Variants in MTOR observed in about 807,000 individuals in gnomAD.
MTOR encodes serine/threonine-protein kinase mTOR.
Under a neutral mutation model 319.8 loss-of-function variants are expected in MTOR, and 70 were observed. The observed-to-expected ratio is 0.22, with a 90% CI of 0.18 to 0.27. The LOEUF (loss-of-function observed/expected upper bound fraction) is 0.27. Ranked by LOEUF, MTOR falls within the 10% of genes least tolerant of loss-of-function variation. MTOR has a pLI of 1.00. For missense variants in MTOR, 1,890 were observed against 3,274.4 expected (o/e 0.58, Z 10.32); for synonymous variants, 1,183 against 1,211.4 (o/e 0.98, Z 0.49).
chr1:11,238,023 C>T lies in MTOR; in HGVS notation c.2028G>A (p.Leu676=). The T allele has an allele frequency of 1.2e-6, 2 of 1,614,196 alleles. No individual in the cohort carries two copies. ...CATCAAAGCGCTCGTCCAGGGACGC[C>T]AAGACACAGTAGCGAATGTCAGGGT... The part of the protein sequence containing the change: ...DPDPDIRYCV[L]ASLDERFDAH... The change falls in exon 13 of 58, where the codon TTG becomes TTA. Residue 676 remains leucine, a synonymous_variant. Coordinates refer to ENST00000361445, the MANE Select transcript of MTOR (RefSeq NM_004958.4).
chr1:11,159,047 C>T (rs1644396949), intron 29 of MTOR, among the ~76,000 whole-genome samples: 1 of 152,100 alleles, frequency 6.6e-6, no homozygotes, highest in Admixed American at 6.6e-5. Flanking sequence ...ACCTTTGGAA[C>T]CTGAAGATGG....
At chr1:11,202,311 A>C (rs1645997773) in intron 26 of MTOR, among the ~76,000 whole-genome samples, 1 of 147,836 alleles carries the variant, frequency 6.8e-6, no homozygotes. Context: ...GTCCCAGCTC[A>C]TTGGGAGGCT....
chr1:11,214,309 C>A (rs956714997), intron 20 of MTOR, among the ~76,000 whole-genome samples: 6 of 152,250 alleles, frequency 3.9e-5, no homozygotes, highest in African/African-American at 1.4e-4. Flanking sequence ...CCTTTCTACA[C>A]CCACATGGTT....
At chr1:11,230,744 A>G (rs1270885562) in intron 18 of MTOR, among the ~76,000 whole-genome samples, 181 bp downstream of exon 18, 1 of 152,226 alleles carries the variant, frequency 6.6e-6, no homozygotes, top group African/African-American at 2.4e-5. Flanking sequence ...TCTGGCCACA[A>G]TGGGAAGCAG....
intron 28 of MTOR, among the ~76,000 whole-genome samples, chr1:11,184,705 G>C (rs1306589841): frequency 6.6e-6 from 1 of 151,930 alleles, no homozygotes; most frequent in African/African-American, 2.4e-5. Flanking sequence ...AGCACTCCAG[G>C]GTGGGTAACA....
chr1:11,143,055 G>A (rs543230123), intron 34 of MTOR, among the ~76,000 whole-genome samples: 11 of 152,102 alleles, frequency 7.2e-5, no homozygotes, highest in Non-Finnish European at 1.6e-4. Context: ...TCAGGCCTTG[G>A]ACCACATTTT....
chr1:11,144,628 G>A lies in MTOR; in HGVS notation c.4872+20C>T, dbSNP rs369462108. 2.8e-5 allele frequency: 45 copies of A among 1,611,902 alleles called. No homozygotes were observed. The highest frequency in any genetic ancestry group is 5.3e-5 in the African/African-American group (4 of 74,804). ...GGGGTAGGGGTAGGTGGGTGAACTG[G>A]GGCTTTCTACCAAGCTCACCTGCAG... On this transcript the variant is annotated intron_variant, in intron 34 of 57. Transcript: ENST00000361445.
At chr1:11,198,931 C>T (rs375844662) in intron 28 of MTOR, among the ~76,000 whole-genome samples, 2 of 152,306 alleles carry the variant, frequency 1.3e-5, no homozygotes, top group East Asian at 1.9e-4. Context: ...CTCTAGACAG[C>T]GCTATCTAAC....
intron 29 of MTOR, among the ~76,000 whole-genome samples, chr1:11,161,234 C>A (rs970173108): frequency 6.6e-6 from 1 of 152,142 alleles, no homozygotes; most frequent in African/African-American, 2.4e-5. Context: ...ACGAGGCTGG[C>A]GGAGGGGTGC....
intron 8 of MTOR, 152 bp from the exon 9 acceptor site, chr1:11,243,452 G>C (rs1648360058): frequency 1.4e-6 from 1 of 702,846 alleles, no homozygotes; most frequent in South Asian, 2.1e-5. Context: ...AACACTTTGG[G>C]AGGCCAAGGA....
Position 11,199,399 on chromosome 1 carries a change from G to A in MTOR, c.4112C>T (p.Pro1371Leu). 1 of 1,614,148 alleles carries A rather than the reference G, an allele frequency of 6.2e-7. No individual in the cohort carries two copies. The highest frequency in any genetic ancestry group is 8.5e-7 in the Non-Finnish European group (1 of 1,180,026). The change falls in exon 28 of 58, where the codon CCC becomes CTC. Residue 1371 changes from proline (P) to leucine (L), a missense_variant. This residue lies in a region of MTOR where 45 missense variants were observed against 107.2 expected (regional missense o/e 0.42). Transcript: ENST00000361445. This position sits in a 1 kb window ranked among gnomAD's most constrained non-coding sequence, Gnocchi z 4.5. ...GCCATTGTCATCTCTCAGTGGCAGG[G>A]GGCCCTGGAGAAGAGCAAAACCTCA... ...AEFMEHSDKG[P>L]LPLRDDNGIV...
intron 36 of MTOR, 63 bp from the exon 37 acceptor site, chr1:11,134,529 C>A: frequency 7.1e-7 from 1 of 1,414,534 alleles, no homozygotes. Flanking sequence ...AGGAAGGGAG[C>A]TACCGTTCAT....
Position 11,127,206 on chromosome 1 carries a change from A to G in MTOR, c.6217-62T>C. 3 of 1,601,954 alleles carry G rather than the reference A, an allele frequency of 1.9e-6. No homozygotes were observed. The highest frequency in any genetic ancestry group is 2.6e-6 in the Non-Finnish European group (3 of 1,174,832). ...AGTCTCAACCAACCCAGGAGGCAAA[A>G]TCCCCAGGCTGACTGCAGATATTCC... On this transcript the variant is annotated intron_variant, in intron 44 of 57. Transcript: ENST00000361445. The surrounding 1 kb of genome is among the most constrained non-coding windows in gnomAD (Gnocchi z 5.5).
chr1:11,110,604 C>G (rs1641811655), intron 54 of MTOR, among the ~76,000 whole-genome samples: 1 of 152,186 alleles, frequency 6.6e-6, no homozygotes, highest in South Asian at 2.1e-4. Context: ...CCATGTCGGT[C>G]AAGCTGGTCT....
intron 28 of MTOR, among the ~76,000 whole-genome samples, chr1:11,182,745 T>G (rs547533828): frequency 6.6e-6 from 1 of 152,342 alleles, no homozygotes; most frequent in South Asian, 2.1e-4. Context: ...CTTAATTATA[T>G]AAACATTCAA....
At chr1:11,220,613 A>G (rs1277807599) in intron 19 of MTOR, among the ~76,000 whole-genome samples, 1 of 152,212 alleles carries the variant, frequency 6.6e-6, no homozygotes, top group Admixed American at 6.5e-5. Flanking sequence ...ATAATGTTTA[A>G]TAAGATGGAG....
chr1:11,110,034 T>C (rs1021209402), intron 54 of MTOR, among the ~76,000 whole-genome samples: 1 of 152,078 alleles, frequency 6.6e-6, no homozygotes, highest in African/African-American at 2.4e-5. Context: ...AAAGCCATTT[T>C]CAAATGTGAG....
At chr1:11,229,590 T>C (rs867214909) in intron 18 of MTOR, among the ~76,000 whole-genome samples, 6 of 152,160 alleles carry the variant, frequency 3.9e-5, no homozygotes, top group Non-Finnish European at 5.9e-5. Context: ...GCCTCTCTAA[T>C]ACCAGAAGAG....
In MTOR at chr1:11,134,949, C is replaced by T. The variant is rs549692681; in HGVS notation, c.5131-483G>A. On this transcript the variant is annotated intron_variant, in intron 36 of 57. Transcript: ENST00000361445. ...ATCATATAGCACCCAAATAAGAACACAGATTTGGAGTGAAAACCCGCATGC... is the reference window on the plus strand; with the variant it reads ...ATCATATAGCACCCAAATAAGAACATAGATTTGGAGTGAAAACCCGCATGC... Among the ~76,000 whole-genome samples, 86 of 152,314 alleles carry T rather than the reference C, an allele frequency of 5.6e-4. 1 individual carries two copies. The highest frequency in any genetic ancestry group is 2.0e-3 in the African/African-American group (83 of 41,562).
Sources: allele counts gnomAD v4.1 joint callset (sites outside exome capture counted in the v4.1 genomes callset), GRCh38; gene constraint gnomAD v4.1.1; regional missense constraint gnomAD v4.1.1; non-coding constraint Gnocchi (gnomAD v3.1); transcripts MANE v1.5; gene names NCBI Gene and HGNC (gene_info 2026-07-23, HGNC 2026-07-21).